Variants in PAN3 observed in about 807,000 individuals in gnomAD.
The protein encoded by PAN3 is poly(A) specific ribonuclease subunit PAN3, also known as PAN2-PAN3 deadenylation complex subunit PAN3.
Under a neutral mutation model 96.2 loss-of-function variants are expected in PAN3, and 19 were observed. The ratio of observed to expected loss-of-function variants is 0.20; its 90% CI spans 0.14 to 0.29. PAN3 has a LOEUF of 0.29. PAN3 is among the 10% of genes least tolerant of loss of function. PAN3 has a pLI of 1.00. For missense variants in PAN3, 882 were observed against 1,108.1 expected (o/e 0.80, Z 2.90); for synonymous variants, 433 against 406.6 (o/e 1.06, Z -0.78).
Position 28,143,422 on chromosome 13 carries a change from A to T in PAN3, c.430+4335A>T, listed in dbSNP as rs548336728. ...TAATCTTCAAAGTGTACAATTTTTAACAGGTAAAATATGCCAATATTTGTA... is the reference window on the plus strand; with the variant it reads ...TAATCTTCAAAGTGTACAATTTTTATCAGGTAAAATATGCCAATATTTGTA... On this transcript the variant is annotated intron_variant, in intron 1 of 18. Coordinates refer to ENST00000380958, the MANE Select transcript of PAN3 (RefSeq NM_175854.8). 5.9e-5 allele frequency among the ~76,000 whole-genome samples: 9 copies of T among 152,352 alleles called. No homozygotes were observed. The South Asian group carries it at 1.9e-3, about 32-fold the overall frequency.
chr13:28,208,636 T>G (rs2138307382), intron 5 of PAN3, among the ~76,000 whole-genome samples: 1 of 152,298 alleles, frequency 6.6e-6, no homozygotes, highest in Admixed American at 6.5e-5. Context: ...AGCATCATGT[T>G]TGAGCTCAAA....
chr13:28,162,235 A>G (rs1872966036), intron 1 of PAN3, among the ~76,000 whole-genome samples: 1 of 152,228 alleles, frequency 6.6e-6, no homozygotes, highest in Non-Finnish European at 1.5e-5. Flanking sequence ...CCTCATGGTC[A>G]GTATTTGTTA....
intron 5 of PAN3, among the ~76,000 whole-genome samples, chr13:28,216,096 G>A (rs1880720532): frequency 8.3e-6 from 1 of 120,868 alleles, no homozygotes; most frequent in Admixed American, 7.3e-5. Flanking sequence ...TCTTTTGCAT[G>A]TGGTAGTTTT....
chr13:28,233,627 G>T (rs1882814176), intron 6 of PAN3, among the ~76,000 whole-genome samples: 1 of 152,148 alleles, frequency 6.6e-6, no homozygotes, highest in Admixed American at 6.5e-5. Context: ...AAAGTATATT[G>T]TGTAGCTGTG....
At chr13:28,274,570 G>A (rs1886907298) in intron 14 of PAN3, among the ~76,000 whole-genome samples, 1 of 150,690 alleles carries the variant, frequency 6.6e-6, no homozygotes, top group Non-Finnish European at 1.5e-5. Flanking sequence ...TATGAGTCGT[G>A]TAGTTACCTT....
intron 5 of PAN3, among the ~76,000 whole-genome samples, chr13:28,212,687 A>G (rs937556463): frequency 2.0e-5 from 3 of 152,316 alleles, no homozygotes; most frequent in East Asian, 3.9e-4. Flanking sequence ...GTTGAAAGCT[A>G]TAGTGTCTGA....
At chr13:28,230,517 A>G (rs1299696628) in intron 6 of PAN3, among the ~76,000 whole-genome samples, 1 of 152,178 alleles carries the variant, frequency 6.6e-6, no homozygotes, top group Non-Finnish European at 1.5e-5. Flanking sequence ...TTACAAAAAA[A>G]TCAACTAAAT....
intron 5 of PAN3, among the ~76,000 whole-genome samples, chr13:28,217,534 G>C (rs1037352937): frequency 6.6e-6 from 1 of 151,352 alleles, no homozygotes; most frequent in African/African-American, 2.4e-5. Flanking sequence ...GTGAGTGAAG[G>C]TTGTGCCACT....
intron 5 of PAN3, among the ~76,000 whole-genome samples, chr13:28,203,022 G>C (rs1408254997): frequency 1.3e-5 from 2 of 151,808 alleles, no homozygotes; most frequent in African/African-American, 4.8e-5. Flanking sequence ...GAGTGCAGTG[G>C]TGCAGTCTTG....
chr13:28,206,081 T>G (rs998238958), intron 5 of PAN3, among the ~76,000 whole-genome samples: 3 of 152,184 alleles, frequency 2.0e-5, no homozygotes, highest in Non-Finnish European at 4.4e-5. Flanking sequence ...CTTATAAGCA[T>G]TCCATGTTTA....
intron 4 of PAN3, among the ~76,000 whole-genome samples, chr13:28,185,067 A>T (rs1215398386): frequency 6.6e-6 from 1 of 152,168 alleles, no homozygotes; most frequent in Non-Finnish European, 1.5e-5. Context: ...TAGTAATTCG[A>T]ATATAAAGGG....
At chr13:28,207,967 G>A (rs751661589) in intron 5 of PAN3, among the ~76,000 whole-genome samples, 2 of 152,048 alleles carry the variant, frequency 1.3e-5, no homozygotes, top group Non-Finnish European at 2.9e-5. Context: ...TATATATTAG[G>A]TATTCAAATA....
chr13:28,236,063 C>G (rs1325514328), intron 6 of PAN3, among the ~76,000 whole-genome samples: 1 of 152,002 alleles, frequency 6.6e-6, no homozygotes, highest in Admixed American at 6.6e-5. Flanking sequence ...TTATTTCCTC[C>G]ACTAAAGTTA....
At chr13:28,266,662 A>G (rs1886205404) in intron 9 of PAN3, 53 bp from the exon 10 acceptor site, 2 of 1,372,156 alleles carry the variant, frequency 1.5e-6, no homozygotes, top group Non-Finnish European at 2.0e-6. Flanking sequence ...TATTTTTGAG[A>G]AAGATTTATG....
At chr13:28,196,485 AATTT>A (rs560291868) in intron 4 of PAN3, among the ~76,000 whole-genome samples, 154 of 152,086 alleles carry the variant, frequency 1.0e-3, no homozygotes, top group Non-Finnish European at 1.9e-3. Context: ...TTTATTGAAT[AATTT>A]ATTCATTATC....
chr13:28,277,008 TA>T (rs1887118342), intron 14 of PAN3, among the ~76,000 whole-genome samples: 1 of 152,124 alleles, frequency 6.6e-6, no homozygotes, highest in Admixed American at 6.6e-5. Flanking sequence ...CTGGGTGCTT[TA>T]AAAATGTTGA....
intron 5 of PAN3, among the ~76,000 whole-genome samples, chr13:28,211,500 C>T (rs972141890): frequency 5.9e-5 from 9 of 152,136 alleles, no homozygotes; most frequent in Non-Finnish European, 1.3e-4. Context: ...GTAAGGAAAG[C>T]ACAACAAAAC....
chr13:28,282,696 T>C (rs937014203), intron 17 of PAN3, among the ~76,000 whole-genome samples: 3 of 152,192 alleles, frequency 2.0e-5, no homozygotes, highest in Admixed American at 6.5e-5. Flanking sequence ...AGTTCCTTTT[T>C]TTCCCTCCCA....
rs1422930846 is a variant in PAN3, at chr13:28,156,412, T to TA, written c.430+17331dup. Among the ~76,000 whole-genome samples, 5 of 152,074 alleles carry TA rather than the reference T, an allele frequency of 3.3e-5. 1 individual carries two copies. Among genetic ancestry groups the TA allele is most frequent in the African/African-American group, 7.2e-5 (3 of 41,498 alleles). ...ATGAATTCTGAAATTGAATCAGTAA[T>TA]AAAAAACCTACCAACCAGAAAAAGC... On this transcript the variant is annotated intron_variant, in intron 1 of 18. Coordinates refer to ENST00000380958, the MANE Select transcript of PAN3 (RefSeq NM_175854.8).
Sources: allele counts gnomAD v4.1 joint callset (sites outside exome capture counted in the v4.1 genomes callset), GRCh38; gene constraint gnomAD v4.1.1; transcripts MANE v1.5; gene names NCBI Gene and HGNC (gene_info 2026-07-23, HGNC 2026-07-21).